The following IL1RAPL2 variants were observed in gnomAD, a reference collection of about 807,000 sequenced individuals.
IL1RAPL2 encodes X-linked interleukin-1 receptor accessory protein-like 2.
IL1RAPL2 carries 3 observed loss-of-function variants against 44.1 expected under a neutral mutation model. The observed-to-expected ratio is 0.07, with a 90% CI of 0.03 to 0.18. The LOEUF (loss-of-function observed/expected upper bound fraction) is 0.18, where lower values mean the gene tolerates loss of function less well. Ranked by LOEUF, IL1RAPL2 falls within the 10% of genes least tolerant of loss-of-function variation. The pLI, the probability that IL1RAPL2 is intolerant of heterozygous loss-of-function variation, is 1.00. For missense variants in IL1RAPL2, 391 were observed against 496.4 expected, an observed-to-expected ratio of 0.79 and a Z score of 2.02; for synonymous variants, 181 against 178.8, an observed-to-expected ratio of 1.01 and a Z score of -0.10.
chrX:105,466,846 G>A (rs1001750886), intron 5 of IL1RAPL2, among the ~76,000 whole-genome samples: 1 of 111,628 alleles, frequency 9.0e-6, no homozygotes, highest in South Asian at 3.8e-4. Flanking sequence ...AAGGTCTAGA[G>A]GCCACATCTG....
chrX:105,040,548 A>T (rs1382017400), intron 2 of IL1RAPL2, among the ~76,000 whole-genome samples: 1 of 110,466 alleles, frequency 9.1e-6, no homozygotes, highest in African/African-American at 3.4e-5. Context: ...GATTATTGCC[A>T]CAATTTCAGA....
chrX:104,634,552 G>A (rs1034360846), intron 1 of IL1RAPL2, among the ~76,000 whole-genome samples: 14 of 111,840 alleles, frequency 1.3e-4, no homozygotes, highest in African/African-American at 4.6e-4. Context: ...TATATATTTA[G>A]GATAGTTAGC....
intron 8 of IL1RAPL2, among the ~76,000 whole-genome samples, chrX:105,747,488 GTGTA>G (rs1390391979): frequency 0.087 from 6,378 of 73,246 alleles, 201 homozygotes; most frequent in South Asian, 0.24. Context: ...CTCTGTGTGT[GTGTA>G]TGTGTGTGTG....
chrX:105,389,723 G>T (rs771569393), intron 5 of IL1RAPL2, among the ~76,000 whole-genome samples: 5 of 111,432 alleles, frequency 4.5e-5, no homozygotes, highest in Non-Finnish European at 9.4e-5. Context: ...TGAGATGAAT[G>T]AATTTTCACC....
intron 6 of IL1RAPL2, among the ~76,000 whole-genome samples, chrX:105,715,745 C>G (rs183158219): frequency 3.6e-5 from 4 of 111,148 alleles, no homozygotes; most frequent in South Asian, 3.8e-4. Context: ...ATTTACAAAC[C>G]CTGAAATCTA....
At chrX:105,600,975 T>C (rs1419283444) in intron 6 of IL1RAPL2, among the ~76,000 whole-genome samples, 1 of 111,870 alleles carries the variant, frequency 8.9e-6, no homozygotes, top group African/African-American at 3.2e-5. Flanking sequence ...TAAAATGTTA[T>C]TTCATTGCTG....
chrX:104,945,873 T>C (rs1925331902), intron 2 of IL1RAPL2, among the ~76,000 whole-genome samples: 1 of 110,774 alleles, frequency 9.0e-6, no homozygotes, highest in Admixed American at 9.7e-5. Flanking sequence ...TTTTTGAACT[T>C]CATACAACCC....
intron 2 of IL1RAPL2, among the ~76,000 whole-genome samples, chrX:104,719,645 T>A (rs1474396534): frequency 3.6e-5 from 4 of 111,583 alleles, no homozygotes; most frequent in Non-Finnish European, 5.7e-5. Context: ...TGAATGAATG[T>A]TTAAAAGCAA....
At chrX:105,680,460 T>G (rs749200564) in intron 6 of IL1RAPL2, among the ~76,000 whole-genome samples, 1 of 112,080 alleles carries the variant, frequency 8.9e-6, no homozygotes, top group South Asian at 3.7e-4. Context: ...AAAGTCAGCT[T>G]TGGTGCCTTA....
At chrX:105,354,250 C>G (rs1303741002) in intron 5 of IL1RAPL2, among the ~76,000 whole-genome samples, 1 of 110,141 alleles carries the variant, frequency 9.1e-6, no homozygotes, top group East Asian at 2.9e-4. Flanking sequence ...TTGGAACCAA[C>G]CCAAATGTCC....
At chrX:105,660,717 A>G (rs1218943326) in intron 6 of IL1RAPL2, among the ~76,000 whole-genome samples, 2 of 111,329 alleles carry the variant, frequency 1.8e-5, no homozygotes, top group African/African-American at 6.5e-5. Flanking sequence ...TCAGTTTTAA[A>G]TAACAGGGTA....
chrX:104,668,363 A>G (rs1253299650), intron 2 of IL1RAPL2, among the ~76,000 whole-genome samples: 1 of 106,922 alleles, frequency 9.4e-6, no homozygotes, highest in African/African-American at 3.4e-5. Context: ...TTTAGGGTAC[A>G]TGTGCACAAT....
At chrX:104,675,453 G>T (rs1356541319) in intron 2 of IL1RAPL2, among the ~76,000 whole-genome samples, 12 of 111,478 alleles carry the variant, frequency 1.1e-4, no homozygotes, top group Admixed American at 1.9e-4. Flanking sequence ...ATTGCACTGT[G>T]GTCTGAGAGA....
At chrX:104,694,124 A>G (rs1477638777) in intron 2 of IL1RAPL2, among the ~76,000 whole-genome samples, 1 of 112,130 alleles carries the variant, frequency 8.9e-6, no homozygotes, top group Non-Finnish European at 1.9e-5. Flanking sequence ...CAAGCCATGC[A>G]TATCGTGAAC....
At chrX:105,337,288 TAAG>T (rs1264979071) in intron 5 of IL1RAPL2, among the ~76,000 whole-genome samples, 1 of 111,939 alleles carries the variant, frequency 8.9e-6, no homozygotes, top group African/African-American at 3.3e-5. Flanking sequence ...AGGCAGACTA[TAAG>T]AAGAATGTAA....
intron 3 of IL1RAPL2, among the ~76,000 whole-genome samples, chrX:105,224,895 T>C (rs1370392711): frequency 1.8e-5 from 2 of 111,965 alleles, no homozygotes; most frequent in Non-Finnish European, 3.8e-5. Context: ...TATGAAGACC[T>C]TTCTGTTTGT....
At chrX:105,736,853 A>T (rs142056581) in intron 7 of IL1RAPL2, among the ~76,000 whole-genome samples, 96 of 112,011 alleles carry the variant, frequency 8.6e-4, no homozygotes, top group Non-Finnish European at 1.3e-3. Context: ...CGTTCAACTC[A>T]GTAATCTCAT....
intron 2 of IL1RAPL2, among the ~76,000 whole-genome samples, chrX:104,881,802 C>T (rs1923078402): frequency 8.9e-6 from 1 of 111,759 alleles, no homozygotes. Context: ...TGAGAAGGTG[C>T]ATGGCAGTTG....
At chrX:104,627,377 A>C in intron 1 of IL1RAPL2, among the ~76,000 whole-genome samples, 1 of 106,186 alleles carries the variant, frequency 9.4e-6, no homozygotes, top group African/African-American at 3.4e-5. Flanking sequence ...AGATATACCT[A>C]ATGTAAATGA....
Sources: allele counts gnomAD v4.1 joint callset (sites outside exome capture counted in the v4.1 genomes callset), GRCh38; gene constraint gnomAD v4.1.1; transcripts MANE v1.5; gene names NCBI Gene and HGNC (gene_info 2026-07-23, HGNC 2026-07-21).